The following PLXDC2 variants were observed in gnomAD, a reference collection of about 807,000 sequenced individuals.
PLXDC2 encodes plexin domain containing 2, also known as plexin domain-containing protein 2.
PLXDC2 carries 40 observed loss-of-function variants against 68.9 expected under a neutral mutation model. The observed-to-expected ratio is 0.58, with a 90% CI of 0.45 to 0.76. PLXDC2 has a LOEUF of 0.76. PLXDC2 is among the 30% of genes least tolerant of loss of function. The pLI is 0.00. For synonymous variants in PLXDC2, 243 were observed against 234.2 expected (o/e 1.04, Z -0.34); for missense variants, 644 against 661.9 (o/e 0.97, Z 0.30).
chr10:20,031,629 G>A (rs112328136), intron 2 of PLXDC2, among the ~76,000 whole-genome samples: 2 of 152,136 alleles, frequency 1.3e-5, no homozygotes, highest in South Asian at 4.1e-4. Flanking sequence ...GCCCTGGGCT[G>A]CATGCCCAGG....
intron 6 of PLXDC2, among the ~76,000 whole-genome samples, chr10:20,158,501 C>CAAAAAAAAAAAAAAAAAAAAAAA (rs59079629): frequency 3.4e-5 from 4 of 118,774 alleles, no homozygotes; most frequent in Non-Finnish European, 5.2e-5. Context: ...TCTGTCTCTG[C>CAAAAAAAAAAAAAAAAAAAAAAA]AAAAAAAAAA....
At chr10:20,136,278 A>G (rs1833932131) in intron 4 of PLXDC2, among the ~76,000 whole-genome samples, 1 of 152,246 alleles carries the variant, frequency 6.6e-6, no homozygotes, top group African/African-American at 2.4e-5. Flanking sequence ...CAGTTACATT[A>G]CCAAATAACT....
intron 2 of PLXDC2, among the ~76,000 whole-genome samples, chr10:20,016,765 G>A (rs942381155): frequency 2.6e-5 from 4 of 152,154 alleles, no homozygotes; most frequent in Non-Finnish European, 5.9e-5. Flanking sequence ...TTCTTCTCCT[G>A]TGTCTTGGAT....
At chr10:20,163,297 A>G (rs530168374) in intron 6 of PLXDC2, among the ~76,000 whole-genome samples, 24 of 152,322 alleles carry the variant, frequency 1.6e-4, no homozygotes, top group African/African-American at 5.1e-4. Context: ...ACAAATTCCA[A>G]AAGCAATGAA....
rs144410482 is a variant in PLXDC2 at position 20,216,160 on chromosome 10, G to A, written c.1123-1266G>A. Among the ~76,000 whole-genome samples the A allele has an allele frequency of 2.2e-4, 33 of 152,118 alleles. 1 individual carries two copies. The East Asian group carries it at 6.4e-3, about 29-fold the overall frequency. On this transcript the variant is annotated intron_variant, in intron 10 of 13. Coordinates refer to ENST00000377252, the MANE Select transcript of PLXDC2 (RefSeq NM_032812.9). ...GCAAGATGCTTGAAGCTACTGAAAT[G>A]AGTGGTTGAAGTAATGGGGGAAAAA...
chr10:19,897,880 A>C (rs181233245), intron 1 of PLXDC2, among the ~76,000 whole-genome samples: 1 of 152,150 alleles, frequency 6.6e-6, no homozygotes, highest in Non-Finnish European at 1.5e-5. Context: ...TAATTAAAAA[A>C]TTTTTAAGTA....
intron 12 of PLXDC2, among the ~76,000 whole-genome samples, chr10:20,233,381 G>A (rs2131880677): frequency 8.9e-6 from 1 of 112,398 alleles, no homozygotes; most frequent in South Asian, 2.9e-4. Flanking sequence ...AAAAAAAGTA[G>A]GTGGGCATGG....
chr10:20,246,540 G>T (rs1004715739), intron 13 of PLXDC2, among the ~76,000 whole-genome samples: 5 of 152,210 alleles, frequency 3.3e-5, no homozygotes, highest in Admixed American at 3.3e-4. Context: ...AGTAGAGATG[G>T]GGCTTTGCCA....
chr10:19,959,606 A>T (rs1002834433), intron 1 of PLXDC2, among the ~76,000 whole-genome samples: 1 of 152,206 alleles, frequency 6.6e-6, no homozygotes, highest in Non-Finnish European at 1.5e-5. Flanking sequence ...AAATTTAGAA[A>T]TATTCGTATC....
intron 9 of PLXDC2, among the ~76,000 whole-genome samples, chr10:20,203,105 C>T (rs926332076): frequency 7.2e-5 from 11 of 152,012 alleles, no homozygotes; most frequent in Admixed American, 6.6e-5. Context: ...CCTACAGACT[C>T]CCAAACTGAA....
chr10:19,904,025 A>G (rs1293531721), intron 1 of PLXDC2, among the ~76,000 whole-genome samples: 1 of 152,010 alleles, frequency 6.6e-6, no homozygotes, highest in African/African-American at 2.4e-5. Context: ...TTCCAATTTT[A>G]TTCCACTACG....
At chr10:20,126,410 C>T (rs111208151) in intron 4 of PLXDC2, among the ~76,000 whole-genome samples, 17,211 of 25,444 alleles carry the variant, frequency 0.68, 6,029 homozygotes, top group East Asian at 0.77. Context: ...TATGTATATA[C>T]AACACACGTT....
At chr10:19,942,733 C>G (rs1313793118) in intron 1 of PLXDC2, among the ~76,000 whole-genome samples, 1 of 152,172 alleles carries the variant, frequency 6.6e-6, no homozygotes, top group South Asian at 2.1e-4. Flanking sequence ...CACCACTGTA[C>G]TCCAACCTGA....
chr10:20,193,454 C>T (rs1025846824), intron 9 of PLXDC2, among the ~76,000 whole-genome samples: 7 of 151,892 alleles, frequency 4.6e-5, no homozygotes, highest in Non-Finnish European at 1.0e-4. Context: ...CAACAGACAG[C>T]AAGTGAGGGA....
chr10:19,867,546 T>A (rs2131340004), intron 1 of PLXDC2, among the ~76,000 whole-genome samples: 1 of 152,304 alleles, frequency 6.6e-6, no homozygotes, highest in East Asian at 1.9e-4. Flanking sequence ...ATTATTACCT[T>A]CTTACTTCTC....
intron 9 of PLXDC2, among the ~76,000 whole-genome samples, chr10:20,206,849 A>AACACACACACAC (rs375925753): frequency 8.0e-5 from 12 of 149,542 alleles, no homozygotes; most frequent in Non-Finnish European, 1.5e-4. Context: ...TGTGCTTTGA[A>AACACACACACAC]ACACACACAC....
intron 13 of PLXDC2, among the ~76,000 whole-genome samples, chr10:20,249,200 A>G (rs1408457381): frequency 6.6e-6 from 1 of 152,154 alleles, no homozygotes; most frequent in Non-Finnish European, 1.5e-5. Flanking sequence ...CATTCATTCA[A>G]TAGCTTTATA....
chr10:19,901,034 T>C (rs143892145), intron 1 of PLXDC2, among the ~76,000 whole-genome samples: 5 of 151,564 alleles, frequency 3.3e-5, no homozygotes, highest in African/African-American at 9.7e-5. Flanking sequence ...CATATATATA[T>C]ACACATATAT....
intron 9 of PLXDC2, among the ~76,000 whole-genome samples, chr10:20,193,384 A>G (rs75799113): frequency 0.012 from 1,859 of 152,220 alleles, 36 homozygotes; most frequent in African/African-American, 0.042. Context: ...AAGCAGTTTA[A>G]TGGTGTAAAC....
Sources: allele counts gnomAD v4.1 joint callset (sites outside exome capture counted in the v4.1 genomes callset), GRCh38; gene constraint gnomAD v4.1.1; transcripts MANE v1.5; gene names NCBI Gene and HGNC (gene_info 2026-07-23, HGNC 2026-07-21).